The following CACNA1C variants were observed in gnomAD, a reference collection of about 807,000 sequenced individuals.
The protein encoded by CACNA1C is calcium voltage-gated channel subunit alpha1 C.
Under a neutral mutation model 229.0 loss-of-function variants are expected in CACNA1C, and 30 were observed. That is an observed-to-expected ratio of 0.13 (90% CI 0.10 to 0.18). The LOEUF is 0.18. Among genes scored for constraint, CACNA1C ranks in the 10% least tolerant of loss-of-function variants. The pLI is 1.00. For synonymous variants in CACNA1C, 1,114 were observed against 1,132.5 expected (o/e 0.98, Z 0.33); for missense variants, 1,658 against 2,845.0 (o/e 0.58, Z 9.49).
chr12:2,103,472 A>G (rs189124621), intron 1 of CACNA1C, among the ~76,000 whole-genome samples: 73 of 152,218 alleles, frequency 4.8e-4, no homozygotes, highest in African/African-American at 1.5e-3. Flanking sequence ...GATTCTGGAT[A>G]TTAGCGCTTT....
chr12:2,561,076 G>A (rs2047220459), intron 11 of CACNA1C, among the ~76,000 whole-genome samples: 1 of 152,136 alleles, frequency 6.6e-6, no homozygotes, highest in Non-Finnish European at 1.5e-5. Context: ...TAGTACATTT[G>A]CGTAGAGTTC....
rs117590575 is a variant in CACNA1C, at chr12:2,418,383, A to G, written c.478-30593A>G. Among the ~76,000 whole-genome samples the G allele has an allele frequency of 1.6e-3, 239 of 152,328 alleles. 1 individual carries two copies. The highest frequency in any genetic ancestry group is 8.1e-3 in the South Asian group (39 of 4,826). The stretch of plus-strand genomic sequence containing the variant: ...GTGCAGTAAGGTGTGAATGACTAAC[A>G]TCGAATCTGTCCTGAGAGTAGGTTT... On this transcript the variant is annotated intron_variant, in intron 3 of 46. Coordinates refer to ENST00000399655, the MANE Select transcript of CACNA1C (RefSeq NM_000719.7).
At chr12:2,254,625 T>C (rs1474939540) in intron 3 of CACNA1C, among the ~76,000 whole-genome samples, 1 of 152,010 alleles carries the variant, frequency 6.6e-6, no homozygotes, top group Non-Finnish European at 1.5e-5. Context: ...CTCACCCCTG[T>C]CCCCTTTGCT....
chr12:2,522,455 A>G (rs1448711475), intron 9 of CACNA1C, among the ~76,000 whole-genome samples: 8 of 152,206 alleles, frequency 5.3e-5, no homozygotes, highest in Admixed American at 4.6e-4. Flanking sequence ...AGCCATGCTC[A>G]TGGTAGCCCC....
chr12:2,173,117 G>A (rs1162079877), intron 3 of CACNA1C, among the ~76,000 whole-genome samples: 2 of 152,210 alleles, frequency 1.3e-5, no homozygotes, highest in Non-Finnish European at 2.9e-5. Context: ...AGGAGTTTCC[G>A]TGTTTGGCCC....
intron 9 of CACNA1C, among the ~76,000 whole-genome samples, chr12:2,541,611 G>A (rs1017023105): frequency 6.6e-6 from 1 of 152,320 alleles, no homozygotes; most frequent in African/African-American, 2.4e-5. Context: ...GTCTGGGCCT[G>A]AGGCATCAAC....
chr12:1,989,109 C>T (rs891718442), intron 1 of CACNA1C, among the ~76,000 whole-genome samples: 1 of 152,190 alleles, frequency 6.6e-6, no homozygotes, highest in Non-Finnish European at 1.5e-5. Flanking sequence ...GTCAGCTGGG[C>T]ATGGTGGCTC....
At chr12:2,113,016 A>G (rs997029104) in intron 1 of CACNA1C, among the ~76,000 whole-genome samples, 2 of 151,732 alleles carry the variant, frequency 1.3e-5, no homozygotes, top group African/African-American at 4.8e-5. Context: ...GCTTTAGCTA[A>G]GTCACTTAAG....
At chr12:2,448,263 A>G (rs1435118677) in intron 3 of CACNA1C, among the ~76,000 whole-genome samples, 1 of 152,088 alleles carries the variant, frequency 6.6e-6, no homozygotes, top group Non-Finnish European at 1.5e-5. Context: ...GAGGAAAGAG[A>G]GGGGCTCTTT....
At chr12:2,474,208 T>A (rs1352910869) in intron 5 of CACNA1C, among the ~76,000 whole-genome samples, 1 of 152,230 alleles carries the variant, frequency 6.6e-6, no homozygotes, top group Non-Finnish European at 1.5e-5. Context: ...AGTGAGGATT[T>A]GCAGTGAGTG....
At chr12:2,437,576 A>G (rs17801211) in intron 3 of CACNA1C, among the ~76,000 whole-genome samples, 44,388 of 152,196 alleles carry the variant, frequency 0.29, 7,599 homozygotes, top group East Asian at 0.73. Flanking sequence ...TACTGTTAGG[A>G]TTAGAACAGA....
intron 3 of CACNA1C, among the ~76,000 whole-genome samples, chr12:2,232,417 A>AG (rs1210637705): frequency 6.6e-6 from 1 of 151,976 alleles, no homozygotes; most frequent in African/African-American, 2.4e-5. Flanking sequence ...ATATCACAGA[A>AG]GTGATGTTCC....
chr12:2,578,903 C>G (rs2059534324), intron 13 of CACNA1C, among the ~76,000 whole-genome samples: 1 of 152,072 alleles, frequency 6.6e-6, no homozygotes, highest in Admixed American at 6.5e-5. Flanking sequence ...CTAGGAGATC[C>G]CTGCTAGTTT....
intron 1 of CACNA1C, among the ~76,000 whole-genome samples, chr12:2,104,650 G>C (rs1332008894): frequency 6.6e-6 from 1 of 152,184 alleles, no homozygotes; most frequent in Non-Finnish European, 1.5e-5. Context: ...TCTTGTGCCA[G>C]CTTTCAAAGG....
intron 3 of CACNA1C, among the ~76,000 whole-genome samples, chr12:2,380,030 C>CAAA (rs1172016514): frequency 6.2e-5 from 5 of 80,154 alleles, no homozygotes; most frequent in East Asian, 7.5e-4. Context: ...GACTCCGTCT[C>CAAA]AAAAAAAAAA....
At chr12:2,450,290 C>T (rs981568245) in intron 4 of CACNA1C, among the ~76,000 whole-genome samples, 7 of 152,122 alleles carry the variant, frequency 4.6e-5, no homozygotes, top group Admixed American at 3.9e-4. Flanking sequence ...CGCGGTGGCT[C>T]ACACCTGTAA....
chr12:2,174,192 C>T (rs910166281), intron 3 of CACNA1C, among the ~76,000 whole-genome samples: 14 of 152,022 alleles, frequency 9.2e-5, no homozygotes, highest in African/African-American at 3.1e-4. Flanking sequence ...GGCCAGCCTT[C>T]GAGGGCTCTC....
chr12:2,430,839 G>A (rs2099076081), intron 3 of CACNA1C, among the ~76,000 whole-genome samples: 1 of 152,106 alleles, frequency 6.6e-6, no homozygotes, highest in Admixed American at 6.5e-5. Context: ...CAGGCTGATG[G>A]CATTGAGCAC....
chr12:2,154,020 GAAA>G (rs140275582), intron 3 of CACNA1C, among the ~76,000 whole-genome samples: 1 of 151,990 alleles, frequency 6.6e-6, no homozygotes, highest in African/African-American at 2.4e-5. Flanking sequence ...TAAAATTCAA[GAAA>G]AAAATCAGAC....
Sources: gnomAD v4.1 joint callset for allele counts (sites outside exome capture counted in the v4.1 genomes callset) on GRCh38, gnomAD v4.1.1 for gene constraint, MANE v1.5 for transcripts, NCBI Gene and HGNC (gene_info 2026-07-23, HGNC 2026-07-21) for gene names.